NFIB: variants seen among roughly 807,000 people sequenced by gnomAD.
NFIB encodes nuclear factor I B.
A neutral mutation model predicts 61.5 loss-of-function variants in NFIB; 11 were observed. The ratio of observed to expected loss-of-function variants is 0.18; its 90% CI spans 0.11 to 0.30. The LOEUF (loss-of-function observed/expected upper bound fraction) is 0.30. NFIB is among the 10% of genes least tolerant of loss of function. NFIB has a pLI of 1.00. For synonymous variants in NFIB, 260 were observed against 216.5 expected (o/e 1.20, Z -1.76); for missense variants, 471 against 608.9 (o/e 0.77, Z 2.38).
At chr9:14,331,868 T>A (rs1260053018) in intron 1 of NFIB, among the ~76,000 whole-genome samples, 1 of 152,196 alleles carries the variant, frequency 6.6e-6, no homozygotes, top group Non-Finnish European at 1.5e-5. Context: ...CCTTTCTCAA[T>A]AAATATTTTC....
intron 3 of NFIB, among the ~76,000 whole-genome samples, chr9:14,166,829 C>T (rs914161203): frequency 3.3e-5 from 5 of 152,122 alleles, no homozygotes; most frequent in Admixed American, 6.6e-5. Flanking sequence ...CTTACTCCTC[C>T]GATGCAATTT....
intron 3 of NFIB, among the ~76,000 whole-genome samples, chr9:14,174,758 C>T (rs2045966634): frequency 7.2e-6 from 1 of 139,332 alleles, no homozygotes; most frequent in South Asian, 2.3e-4. Flanking sequence ...CAGAGTGAGA[C>T]TCCATCTCAA....
chr9:14,367,780 C>G (rs941191985), intron 1 of NFIB, among the ~76,000 whole-genome samples: 4 of 152,100 alleles, frequency 2.6e-5, no homozygotes, highest in Admixed American at 2.0e-4. Flanking sequence ...AACACAGGAA[C>G]AGAAAACCAA....
At chr9:14,163,889 T>A (rs13299433) in intron 3 of NFIB, among the ~76,000 whole-genome samples, 40 of 151,470 alleles carry the variant, frequency 2.6e-4, no homozygotes, top group Middle Eastern at 3.4e-3. Context: ...AAGTAAATAA[T>A]AAAAAAATGA....
At chr9:14,485,231 T>C in the NFIB span, among the ~76,000 whole-genome samples, 4 of 152,204 alleles carry the variant, frequency 2.6e-5, no homozygotes, top group African/African-American at 7.2e-5. Context: ...TCTTGTCCAA[T>C]AGTCAAAGAG....
chr9:14,357,720 C>CA (rs1246305758), intron 1 of NFIB: 1 of 151,974 alleles, frequency 6.6e-6, no homozygotes, highest in Non-Finnish European at 1.5e-5. Flanking sequence ...TCATAATAGC[C>CA]AAAAAGGGAA....
chr9:14,468,316 G>C, the NFIB span, among the ~76,000 whole-genome samples: 1 of 152,190 alleles, frequency 6.6e-6, no homozygotes, highest in Non-Finnish European at 1.5e-5. Context: ...TGCTAATTAA[G>C]GTACACCTCT....
chr9:14,509,524 T>C, the NFIB span, among the ~76,000 whole-genome samples: 1 of 152,212 alleles, frequency 6.6e-6, no homozygotes, highest in South Asian at 2.1e-4. Context: ...TTTATCAACA[T>C]CATACTACTA....
chr9:14,137,923 C>T (rs1040596295), intron 6 of NFIB, among the ~76,000 whole-genome samples: 8 of 151,970 alleles, frequency 5.3e-5, no homozygotes, highest in Non-Finnish European at 1.2e-4. Flanking sequence ...AAGTTATGTG[C>T]ATTCATCTGT....
chr9:14,307,125 G>A lies in NFIB; in HGVS notation c.426C>T (p.Pro142=), dbSNP rs1453426087. 6.2e-7 allele frequency: 1 copy of A among 1,614,020 alleles called. No homozygotes were observed. The highest frequency in any genetic ancestry group is 1.7e-5 in the Admixed American group (1 of 60,004). Residue 142 remains proline (P), a synonymous_variant, in exon 2 of 11, where the codon CCC becomes CCT. Coordinates refer to ENST00000380953, the MANE Select transcript of NFIB (RefSeq NM_001190737.2). The surrounding 1 kb of genome is among the most constrained non-coding windows in gnomAD (Gnocchi z 5.3). The stretch of plus-strand genomic sequence containing the variant: ...GCCGCTCTCCATCGGTACTTTCCAA[G>A]GGGATGCCTTTGAACAGGATCACCA... The part of the protein sequence containing the change: ...LVMVILFKGI[P]LESTDGERLM...
intron 2 of NFIB, among the ~76,000 whole-genome samples, chr9:14,264,547 T>A (rs1351484166): frequency 6.6e-6 from 1 of 152,088 alleles, no homozygotes; most frequent in Non-Finnish European, 1.5e-5. Context: ...GTAAAAACAC[T>A]CAATGATGAA....
chr9:14,409,035 C>A, the NFIB span, among the ~76,000 whole-genome samples: 1 of 152,060 alleles, frequency 6.6e-6, no homozygotes. Flanking sequence ...GAAGTGTATG[C>A]CTAGTGATAT....
At chr9:14,161,291 A>G (rs1306308001) in intron 3 of NFIB, among the ~76,000 whole-genome samples, 2 of 152,092 alleles carry the variant, frequency 1.3e-5, no homozygotes, top group Non-Finnish European at 2.9e-5. Flanking sequence ...AAAGACGGTG[A>G]TTTTCTTCAC....
chr9:14,097,487 G>A (rs908405314), intron 10 of NFIB, among the ~76,000 whole-genome samples: 6 of 152,128 alleles, frequency 3.9e-5, no homozygotes, highest in Non-Finnish European at 5.9e-5. Context: ...ACTGAGAGCA[G>A]GAAATGCTAA....
At chr9:14,510,956 C>T in the NFIB span, among the ~76,000 whole-genome samples, 1 of 152,104 alleles carries the variant, frequency 6.6e-6, no homozygotes, top group Non-Finnish European at 1.5e-5. Flanking sequence ...CAGATATTTC[C>T]TCTTTGATGA....
the NFIB span, among the ~76,000 whole-genome samples, chr9:14,465,020 A>T: frequency 6.6e-6 from 1 of 152,204 alleles, no homozygotes; most frequent in Non-Finnish European, 1.5e-5. Context: ...GAGAACAGTC[A>T]GTTAAATTTT....
chr9:14,217,221 T>C (rs141506025), intron 2 of NFIB, among the ~76,000 whole-genome samples: 29 of 152,342 alleles, frequency 1.9e-4, no homozygotes, highest in Admixed American at 7.8e-4. Context: ...ATATATGTTA[T>C]ATGCAACTCA....
At chr9:14,442,458 A>C in the NFIB span, among the ~76,000 whole-genome samples, 3 of 152,222 alleles carry the variant, frequency 2.0e-5, no homozygotes, top group Non-Finnish European at 4.4e-5. Context: ...TAGGGCCGCC[A>C]TAACAAAGCA....
chr9:14,441,553 C>A, the NFIB span, among the ~76,000 whole-genome samples: 7 of 152,074 alleles, frequency 4.6e-5, no homozygotes, highest in African/African-American at 1.7e-4. Flanking sequence ...CTGATTAATT[C>A]CCAGTTGCAT....
Sources: allele counts gnomAD v4.1 joint callset (sites outside exome capture counted in the v4.1 genomes callset), GRCh38; gene constraint gnomAD v4.1.1; non-coding constraint Gnocchi (gnomAD v3.1); transcripts MANE v1.5; gene names NCBI Gene and HGNC (gene_info 2026-07-23, HGNC 2026-07-21).